The following ANK3 variants were observed in gnomAD, a reference collection of about 807,000 sequenced individuals.
ANK3 encodes ankyrin 3.
Under a neutral mutation model 370.9 loss-of-function variants are expected in ANK3, and 57 were observed. The observed-to-expected ratio is 0.15, with a 90% CI of 0.12 to 0.19. ANK3 has a LOEUF of 0.19. Among genes scored for constraint, ANK3 ranks in the 10% least tolerant of loss-of-function variants. The pLI is 1.00. For synonymous variants in ANK3, 1,929 were observed against 1,946.3 expected, an observed-to-expected ratio of 0.99 and a Z score of 0.23; for missense variants, 4,439 against 5,302.1, an observed-to-expected ratio of 0.84 and a Z score of 5.06.
At chr10:60,167,623 A>G (rs973137674) in intron 21 of ANK3, among the ~76,000 whole-genome samples, 5 of 152,164 alleles carry the variant, frequency 3.3e-5, no homozygotes, top group African/African-American at 1.2e-4. Context: ...CATCACTGGT[A>G]AGAAAATCTT....
At chr10:60,389,156 G>A (rs143028468) in intron 1 of ANK3, among the ~76,000 whole-genome samples, 22 of 152,126 alleles carry the variant, frequency 1.4e-4, no homozygotes, top group Non-Finnish European at 2.6e-4. Flanking sequence ...ACCTTTCCAT[G>A]TCATGGAAAC....
At chr10:60,090,596 T>C (rs1049331735) in intron 28 of ANK3, among the ~76,000 whole-genome samples, 1 of 152,150 alleles carries the variant, frequency 6.6e-6, no homozygotes, top group African/African-American at 2.4e-5. Context: ...AGTCAATAGA[T>C]GATAGCAAAA....
intron 1 of ANK3, among the ~76,000 whole-genome samples, chr10:60,646,087 A>C (rs955715214): frequency 2.6e-5 from 4 of 152,154 alleles, no homozygotes; most frequent in African/African-American, 9.7e-5. Context: ...GGCCTTCAAG[A>C]GAGTACCAGG....
chr10:60,156,942 C>T (rs1456074427), intron 23 of ANK3, among the ~76,000 whole-genome samples: 1 of 151,894 alleles, frequency 6.6e-6, no homozygotes, highest in African/African-American at 2.4e-5. Context: ...ACCAAATGGA[C>T]TAAATAAGGC....
chr10:60,273,734 T>TG (rs200263390), intron 4 of ANK3, among the ~76,000 whole-genome samples: 73 of 151,992 alleles, frequency 4.8e-4, no homozygotes, highest in African/African-American at 7.2e-4. Flanking sequence ...AATTGAATCA[T>TG]GGGGGGGGTT....
At chr10:60,240,440 G>T (rs1248962406) in intron 7 of ANK3, among the ~76,000 whole-genome samples, 1 of 151,658 alleles carries the variant, frequency 6.6e-6, no homozygotes, top group Admixed American at 6.6e-5. Flanking sequence ...GAGTAGCTGG[G>T]ATTACAGGCA....
chr10:60,031,897 C>T (rs1432755044), intron 43 of ANK3, among the ~76,000 whole-genome samples: 1 of 152,118 alleles, frequency 6.6e-6, no homozygotes, highest in Admixed American at 6.6e-5. Flanking sequence ...ATCAATTCCT[C>T]CTATGTGATT....
At chr10:60,506,163 C>T (rs976677786) in intron 2 of ANK3, among the ~76,000 whole-genome samples, 2 of 152,042 alleles carry the variant, frequency 1.3e-5, no homozygotes, top group Non-Finnish European at 2.9e-5. Context: ...TATGCAAATA[C>T]AGTTATTTCC....
At chr10:60,732,294 G>A (rs965254174) in intron 1 of ANK3, among the ~76,000 whole-genome samples, 1 of 152,174 alleles carries the variant, frequency 6.6e-6, no homozygotes, top group African/African-American at 2.4e-5. Context: ...CTGTTTCTCA[G>A]GAACCTTTCC....
At chr10:60,720,066 G>A (rs1435235341) in intron 1 of ANK3, among the ~76,000 whole-genome samples, 2 of 152,128 alleles carry the variant, frequency 1.3e-5, no homozygotes, top group African/African-American at 2.4e-5. Context: ...TGAGAGAAGA[G>A]GAGGAAGTTT....
intron 16 of ANK3, among the ~76,000 whole-genome samples, chr10:60,189,019 T>C (rs1159953474): frequency 1.3e-5 from 2 of 152,218 alleles, no homozygotes; most frequent in Non-Finnish European, 2.9e-5. Flanking sequence ...AAAGGCAAGA[T>C]AAACTCAGAA....
chr10:60,339,356 G>A (rs1388045919), intron 1 of ANK3, among the ~76,000 whole-genome samples: 1 of 152,128 alleles, frequency 6.6e-6, no homozygotes, highest in African/African-American at 2.4e-5. Context: ...GATACCATAC[G>A]ATAATACCTG....
At chr10:60,200,342 C>T (rs2132416203) in intron 12 of ANK3, 115 bp from the exon 13 acceptor site, 1 of 776,012 alleles carries the variant, frequency 1.3e-6, no homozygotes, top group East Asian at 2.7e-5. Context: ...GTCCTAAGCA[C>T]TTCCTTATTG....
At chr10:60,390,592 T>G (rs1474704197), upstream of ANK3, among the ~76,000 whole-genome samples, 3 of 152,200 alleles carry the variant, frequency 2.0e-5, no homozygotes, top group Non-Finnish European at 4.4e-5. Flanking sequence ...TCTGCTAGGA[T>G]GCACACACCG....
In ANK3 at chr10:60,069,801, C is replaced by A; in HGVS notation, c.11080G>T (p.Glu3694Ter). The A allele has an allele frequency of 6.2e-7, 1 of 1,614,132 alleles. No homozygotes were observed. The highest frequency in any genetic ancestry group is 8.5e-7 in the Non-Finnish European group (1 of 1,180,018). The change falls in exon 37 of 44, where the codon GAA becomes TAA. Residue 3694 changes from glutamate (E) to a stop codon, truncating the protein, a stop_gained. Transcript: ENST00000280772. LOFTEE classifies it high-confidence loss of function. ...PSIPTSGECQ[E>*]GTSSSGSLEK... The stretch of plus-strand genomic sequence containing the variant: ...AGGGAGCCACTACTGGATGTGCCTT[C>A]CTGACACTCTCCGCTGGTCGGGATG...
intron 1 of ANK3, among the ~76,000 whole-genome samples, chr10:60,323,150 TAAC>T (rs375846524): frequency 1.9e-3 from 284 of 152,238 alleles, no homozygotes; most frequent in African/African-American, 6.4e-3. Flanking sequence ...AAGGGTGTAT[TAAC>T]AAGCCAGTTG....
intron 32 of ANK3, 147 bp downstream of exon 32, chr10:60,084,455 G>T: frequency 4.9e-6 from 2 of 411,862 alleles, no homozygotes; most frequent in Non-Finnish European, 8.3e-6. Context: ...AAAAAAATTT[G>T]AGTATTAATC....
At chr10:60,386,478 G>A (rs151161067) in intron 1 of ANK3, among the ~76,000 whole-genome samples, 1 of 149,370 alleles carries the variant, frequency 6.7e-6, no homozygotes, top group East Asian at 2.0e-4. Context: ...GTTATGTCAA[G>A]AATAAAACAC....
chr10:60,282,849 G>A (rs2098185075), intron 1 of ANK3, among the ~76,000 whole-genome samples: 1 of 152,100 alleles, frequency 6.6e-6, no homozygotes, highest in Non-Finnish European at 1.5e-5. Context: ...GGAAAATGTA[G>A]AGAAAAAGCA....
Sources: gnomAD v4.1 joint callset for allele counts (sites outside exome capture counted in the v4.1 genomes callset) on GRCh38, gnomAD v4.1.1 for gene constraint, MANE v1.5 for transcripts, NCBI Gene and HGNC (gene_info 2026-07-23, HGNC 2026-07-21) for gene names.